The following SLC1A7 variants were observed in gnomAD, a reference collection of about 807,000 sequenced individuals.
The protein encoded by SLC1A7 is excitatory amino acid transporter 5.
A neutral mutation model predicts 47.7 loss-of-function variants in SLC1A7; 40 were observed. That is an observed-to-expected ratio of 0.84 (90% confidence interval 0.65 to 1.09). The LOEUF (loss-of-function observed/expected upper bound fraction) is 1.09. SLC1A7 is among the 50% of genes least tolerant of loss of function. The pLI is 0.00. For synonymous variants in SLC1A7, 323 were observed against 325.6 expected (o/e 0.99, Z 0.09); for missense variants, 746 against 769.5 (o/e 0.97, Z 0.36).
At chr1:53,102,035 C>T (rs1055598759) in intron 5 of SLC1A7, among the ~76,000 whole-genome samples, 1 of 152,244 alleles carries the variant, frequency 6.6e-6, no homozygotes, top group Non-Finnish European at 1.5e-5. Context: ...GTCCAAGGGT[C>T]TCCGGTTCTT....
At chr1:53,105,845 G>T in intron 3 of SLC1A7, 71 bp from the exon 4 acceptor site, 1 of 1,275,048 alleles carries the variant, frequency 7.8e-7, no homozygotes. Context: ...TGTGGCCTTG[G>T]GGTCATCTGG....
At position 53,091,224 on chromosome 1, in the gene SLC1A7, A is replaced by G. The variant is rs979936519; in HGVS notation, c.1032-418T>C. The stretch of plus-strand genomic sequence containing the variant: ...GGGTCACAGAGCTACTAGGAGGATT[A>G]AACGACTACGGGCTTGGACAGCACC... On this transcript the variant is annotated intron_variant, in intron 7 of 10. Transcript: ENST00000371494. Among the ~76,000 whole-genome samples the G allele has an allele frequency of 2.4e-4, 36 of 152,362 alleles. 1 individual carries two copies. Among genetic ancestry groups the G allele is most frequent in the Non-Finnish European group, 7.3e-5 (5 of 68,042 alleles).
chr1:53,108,648 A>G, intron 3 of SLC1A7: 1 of 717,650 alleles, frequency 1.4e-6, no homozygotes, highest in Non-Finnish European at 2.6e-6. Context: ...GAACATGGGG[A>G]TAATAGCTAG....
chr1:53,141,716 C>T (rs151165914), intron 1 of SLC1A7, among the ~76,000 whole-genome samples: 1 of 151,846 alleles, frequency 6.6e-6, no homozygotes, highest in African/African-American at 2.4e-5. Context: ...CGCATCTCCC[C>T]CAGGCTGCCC....
At chr1:53,136,761 G>T (rs1210495886) in intron 1 of SLC1A7, among the ~76,000 whole-genome samples, 1 of 149,068 alleles carries the variant, frequency 6.7e-6, no homozygotes, top group African/African-American at 2.5e-5. Context: ...CCACCTCCTG[G>T]GCTCAAGTAA....
At chr1:53,121,055 G>T (rs1197432283) in intron 2 of SLC1A7, among the ~76,000 whole-genome samples, 4 of 152,250 alleles carry the variant, frequency 2.6e-5, no homozygotes, top group Non-Finnish European at 4.4e-5. Flanking sequence ...CATGGCATGT[G>T]ATAAGTACGC....
chr1:53,097,072 C>T (rs1409099419), intron 5 of SLC1A7, among the ~76,000 whole-genome samples: 1 of 150,634 alleles, frequency 6.6e-6, no homozygotes, highest in African/African-American at 2.4e-5. Context: ...ACACGCACTG[C>T]CTCAGTACGC....
Position 53,088,782 on chromosome 1 carries a change from T to TGGGGGGGGGGG in SLC1A7, c.1464+94_1464+95insCCCCCCCCCCC. The stretch of plus-strand genomic sequence containing the variant: ...CAGAGGCATGGAGGGAGGGATTGGC[T>TGGGGGGGGGGG]GGAGGCTGCCGAGCTGGTTGGTGGA... On this transcript the variant is annotated intron_variant, in intron 10 of 10. Coordinates refer to ENST00000371494, the MANE Select transcript of SLC1A7 (RefSeq NM_006671.6). The TGGGGGGGGGGG allele has an allele frequency of 2.3e-6, 2 of 853,212 alleles. 1 individual carries two copies. 52.9% of individuals were successfully genotyped at this position (853,212 alleles called of 1,614,324 possible).
At chr1:53,101,769 C>A (rs111587756) in intron 5 of SLC1A7, among the ~76,000 whole-genome samples, 1,755 of 151,534 alleles carry the variant, frequency 0.012, 16 homozygotes, top group Non-Finnish European at 0.019. Flanking sequence ...CTCACACACC[C>A]TGCCTCGGTA....
At chr1:53,123,975 C>A (rs550469888) in intron 2 of SLC1A7, among the ~76,000 whole-genome samples, 1 of 152,240 alleles carries the variant, frequency 6.6e-6, no homozygotes, top group African/African-American at 2.4e-5. Context: ...TCTGGCCACC[C>A]GCTCCTCTGC....
chr1:53,100,851 C>T (rs191967154), intron 5 of SLC1A7, among the ~76,000 whole-genome samples: 59 of 150,708 alleles, frequency 3.9e-4, no homozygotes, highest in Non-Finnish European at 5.5e-4. Context: ...TGCCATACCC[C>T]GCCTCAGTAC....
At chr1:53,111,862 A>T (rs1414367357) in intron 3 of SLC1A7, among the ~76,000 whole-genome samples, 2 of 152,102 alleles carry the variant, frequency 1.3e-5, no homozygotes, top group East Asian at 3.9e-4. Context: ...CACAGAACAG[A>T]CCCTGCCTGG....
intron 2 of SLC1A7, among the ~76,000 whole-genome samples, chr1:53,132,003 A>C (rs1333455615): frequency 6.6e-6 from 1 of 152,126 alleles, no homozygotes; most frequent in South Asian, 2.1e-4. Context: ...GATGTTGGGG[A>C]AGCATGTTCC....
intron 3 of SLC1A7, chr1:53,108,504 T>A (rs1259021726): frequency 8.5e-6 from 6 of 707,726 alleles, no homozygotes; most frequent in Non-Finnish European, 1.6e-5. Flanking sequence ...CAAGCTCTGA[T>A]TCTCTTGCTA....
chr1:53,137,084 C>T (rs963755284), intron 1 of SLC1A7, among the ~76,000 whole-genome samples: 2 of 152,012 alleles, frequency 1.3e-5, no homozygotes, highest in African/African-American at 2.4e-5. Flanking sequence ...GTTAAGAGTT[C>T]GAGACCAGCC....
At chr1:53,093,631 GC>G in intron 5 of SLC1A7, 71 bp from the exon 6 acceptor site, 1 of 1,238,710 alleles carries the variant, frequency 8.1e-7, no homozygotes, top group East Asian at 2.5e-5. Context: ...TCTCAGCATG[GC>G]TGGCTTCCCA....
chr1:53,107,217 T>G (rs1330570834), intron 3 of SLC1A7, among the ~76,000 whole-genome samples: 2 of 150,214 alleles, frequency 1.3e-5, no homozygotes, highest in African/African-American at 4.9e-5. Context: ...AAATATAGGT[T>G]GAGATCTTAT....
At chr1:53,112,731 A>G (rs774338268) in intron 3 of SLC1A7, among the ~76,000 whole-genome samples, 3 of 152,198 alleles carry the variant, frequency 2.0e-5, no homozygotes, top group Non-Finnish European at 2.9e-5. Flanking sequence ...TGGGCCAGAC[A>G]TGACCCAACA....
chr1:53,105,594 C>T (rs1644631709), intron 4 of SLC1A7, 138 bp downstream of exon 4: 1 of 761,842 alleles, frequency 1.3e-6, no homozygotes, highest in Non-Finnish European at 2.4e-6. Flanking sequence ...GCGTACCCTC[C>T]CCTCTAGCAT....
Sources: gnomAD v4.1 joint callset for allele counts (sites outside exome capture counted in the v4.1 genomes callset) on GRCh38, gnomAD v4.1.1 for gene constraint, MANE v1.5 for transcripts, NCBI Gene and HGNC (gene_info 2026-07-23, HGNC 2026-07-21) for gene names.